PRKG1: variants seen among roughly 807,000 people sequenced by gnomAD.
PRKG1 encodes the protein protein kinase cGMP-dependent 1, also known as cGMP-dependent protein kinase 1.
Under a neutral mutation model 88.1 loss-of-function variants are expected in PRKG1, and 35 were observed. That is an observed-to-expected ratio of 0.40 (90% CI 0.30 to 0.53). PRKG1 has a LOEUF of 0.53. Ranked by LOEUF, PRKG1 falls within the 20% of genes least tolerant of loss-of-function variation. PRKG1 has a pLI of 0.59. For synonymous variants in PRKG1, 303 were observed against 292.5 expected (o/e 1.04, Z -0.37); for missense variants, 540 against 839.8 (o/e 0.64, Z 4.41).
chr10:51,745,279 T>A (rs952402869), intron 3 of PRKG1, among the ~76,000 whole-genome samples: 1 of 152,202 alleles, frequency 6.6e-6, no homozygotes, highest in Non-Finnish European at 1.5e-5. Context: ...CTTATCAAAC[T>A]AGCTCATTAG....
intron 3 of PRKG1, among the ~76,000 whole-genome samples, chr10:51,618,961 G>T (rs1839137824): frequency 7.2e-6 from 1 of 137,978 alleles, no homozygotes; most frequent in Non-Finnish European, 1.6e-5. Flanking sequence ...TTTTTTAGTA[G>T]GGACAGGGTT....
rs181401890 is a variant in PRKG1, at chr10:51,528,262, A to G, written c.592+60426A>G. Among the ~76,000 whole-genome samples, 1,063 of 152,226 alleles carry G rather than the reference A, an allele frequency of 7.0e-3. 14 individuals are homozygous for G. Among genetic ancestry groups the G allele is most frequent in the African/African-American group, 0.025 (1,022 of 41,544 alleles). ...TCATAACAAATAATCCTGATTTTTC[A>G]TTTGTGGTAGTTATGTAAAAGTTCT... On this transcript the variant is annotated intron_variant, in intron 3 of 17. Transcript: ENST00000373980.
chr10:51,528,514 T>A (rs1835009050), intron 3 of PRKG1, among the ~76,000 whole-genome samples: 1 of 151,862 alleles, frequency 6.6e-6, no homozygotes, highest in Non-Finnish European at 1.5e-5. Context: ...TTAGCTTAAG[T>A]GGAACATTAG....
At position 51,074,887 on chromosome 10, in the gene PRKG1, C is replaced by T; in HGVS notation, c.297C>T (p.Tyr99=). Reference sequence around the variant, plus strand: ...TCAGCCATGTGACCCTGCCCTTCTACCCCAAGAGCCCACAGTAAGCAGGGG... The same window carrying T: ...TCAGCCATGTGACCCTGCCCTTCTATCCCAAGAGCCCACAGTAAGCAGGGG... ...QDLSHVTLPF[Y]PKSPQSKDLI... is the part of the protein sequence containing the mutation. Residue 99 remains tyrosine (Y), a synonymous_variant, in exon 1 of 18, where the codon TAC becomes TAT. Transcript: ENST00000373980. The T allele has an allele frequency of 6.2e-7, 1 of 1,608,218 alleles. No individual in the cohort carries two copies. Among genetic ancestry groups the T allele is most frequent in the Non-Finnish European group, 8.5e-7 (1 of 1,175,780 alleles).
chr10:51,222,382 T>C (rs1195173912), intron 2 of PRKG1, among the ~76,000 whole-genome samples: 4 of 152,168 alleles, frequency 2.6e-5, no homozygotes, highest in Non-Finnish European at 4.4e-5. Flanking sequence ...TTAATCAATG[T>C]TGTCTCTGCT....
chr10:51,881,746 T>G (rs1430492911), intron 4 of PRKG1, among the ~76,000 whole-genome samples: 1 of 152,184 alleles, frequency 6.6e-6, no homozygotes, highest in Non-Finnish European at 1.5e-5. Context: ...ATAGATAATT[T>G]TAAACATTTT....
chr10:51,652,055 A>G (rs760031454), intron 3 of PRKG1, among the ~76,000 whole-genome samples: 38 of 152,190 alleles, frequency 2.5e-4, no homozygotes, highest in Non-Finnish European at 4.7e-4. Context: ...AAATTTGTCT[A>G]TGTATTTAAC....
chr10:51,600,136 C>T (rs1838559650), intron 3 of PRKG1, among the ~76,000 whole-genome samples: 1 of 151,940 alleles, frequency 6.6e-6, no homozygotes, highest in African/African-American at 2.4e-5. Context: ...ATGACAGCTC[C>T]CCTTCTTTGT....
At chr10:52,064,345 T>C (rs1006505622) in intron 7 of PRKG1, among the ~76,000 whole-genome samples, 1 of 152,098 alleles carries the variant, frequency 6.6e-6, no homozygotes, top group Non-Finnish European at 1.5e-5. Flanking sequence ...CCAACTTTCC[T>C]CCAAAATCAG....
At chr10:51,317,884 CCA>C (rs10584258) in intron 2 of PRKG1, among the ~76,000 whole-genome samples, 7,352 of 152,212 alleles carry the variant, frequency 0.048, 570 homozygotes, top group African/African-American at 0.16. Context: ...GCCTCTCTAA[CCA>C]CAGTCTTTCC....
intron 1 of PRKG1, among the ~76,000 whole-genome samples, chr10:51,104,220 G>GA (rs1000462899): frequency 6.6e-6 from 1 of 151,768 alleles, no homozygotes; most frequent in African/African-American, 2.4e-5. Flanking sequence ...ATAGGAGACA[G>GA]AAAAAAAAAT....
chr10:51,584,974 T>G (rs1364621523), intron 3 of PRKG1, among the ~76,000 whole-genome samples: 1 of 152,242 alleles, frequency 6.6e-6, no homozygotes, highest in Middle Eastern at 3.4e-3. Flanking sequence ...TCCTTTATGA[T>G]TTACCCCCGA....
chr10:51,044,498 A>C (rs1001624975), intron 1 of PRKG1, among the ~76,000 whole-genome samples: 1 of 152,194 alleles, frequency 6.6e-6, no homozygotes, highest in Non-Finnish European at 1.5e-5. Context: ...CCCTTTAAAA[A>C]AGTTATAGCA....
chr10:51,630,807 C>T (rs1305184783), intron 3 of PRKG1, among the ~76,000 whole-genome samples: 2 of 152,192 alleles, frequency 1.3e-5, no homozygotes, highest in Non-Finnish European at 2.9e-5. Context: ...ATGTCCTTAG[C>T]AGCAGGCAGG....
intron 3 of PRKG1, among the ~76,000 whole-genome samples, chr10:51,563,588 C>T (rs1183275275): frequency 5.9e-5 from 9 of 151,344 alleles, no homozygotes. Context: ...TACACTGCAG[C>T]TGTAACAACA....
At position 52,166,799 on chromosome 10, in the gene PRKG1, A is replaced by ATATG. The variant is rs1564498390; in HGVS notation, c.1076+4839_1076+4840insGTAT. 1.3e-3 allele frequency among the ~76,000 whole-genome samples: 91 copies of ATATG among 70,770 alleles called. 2 individuals are homozygous for ATATG. The highest frequency in any genetic ancestry group is 7.0e-3 in the Middle Eastern group (1 of 142). The allele number at this position is 70,770 out of a possible 152,430, so 46.4% of individuals were successfully genotyped here. ...CAAATAAAAAAGCCTATATATATAC[A>ATATG]TATATATATGTATATATATGTATAT... On this transcript the variant is annotated intron_variant, in intron 9 of 17. Coordinates refer to ENST00000373980, the MANE Select transcript of PRKG1 (RefSeq NM_006258.4).
At position 51,376,799 on chromosome 10, in the gene PRKG1, C is replaced by T. The variant is rs184942851; in HGVS notation, c.479-90924C>T. 3.5e-3 allele frequency among the ~76,000 whole-genome samples: 534 copies of T among 152,142 alleles called. 3 individuals carry two copies. The highest frequency in any genetic ancestry group is 0.012 in the African/African-American group (510 of 41,508). On this transcript the variant is annotated intron_variant, in intron 2 of 17. Transcript: ENST00000373980. ...AAGTGATTCTCCTGCCTCAGCCTCC[C>T]GAGTAGCTGGGATTACAGGCACCTG...
intron 5 of PRKG1, among the ~76,000 whole-genome samples, chr10:52,052,890 A>G (rs1369090310): frequency 6.6e-6 from 1 of 152,208 alleles, no homozygotes; most frequent in East Asian, 1.9e-4. Context: ...TGATCGGGCC[A>G]CTGCAACAGA....
intron 2 of PRKG1, among the ~76,000 whole-genome samples, chr10:51,356,267 C>A (rs1348274028): frequency 2.6e-5 from 4 of 151,800 alleles, no homozygotes; most frequent in Non-Finnish European, 4.4e-5. Flanking sequence ...TTTCTTTTTT[C>A]TTCTTTTTTA....
Sources: gnomAD v4.1 joint callset for allele counts (sites outside exome capture counted in the v4.1 genomes callset) on GRCh38, gnomAD v4.1.1 for gene constraint, MANE v1.5 for transcripts, NCBI Gene and HGNC (gene_info 2026-07-23, HGNC 2026-07-21) for gene names.